Variants in RBFOX1 observed in about 807,000 individuals in gnomAD.
The protein encoded by RBFOX1 is RNA binding protein fox-1 homolog 1.
RBFOX1 carries 8 observed loss-of-function variants against 57.7 expected under a neutral mutation model. That is an observed-to-expected ratio of 0.14 (90% CI 0.08 to 0.25). RBFOX1 has a LOEUF of 0.25. Among genes scored for constraint, RBFOX1 ranks in the 10% least tolerant of loss-of-function variants. RBFOX1 has a pLI of 1.00. For missense variants in RBFOX1, 611 were observed against 548.5 expected (o/e 1.11, Z -1.14); for synonymous variants, 326 against 222.4 (o/e 1.47, Z -4.15).
chr16:5,494,866 G>A (rs1193205088), intron 2 of RBFOX1, among the ~76,000 whole-genome samples: 6 of 152,180 alleles, frequency 3.9e-5, no homozygotes, highest in African/African-American at 1.4e-4. Context: ...ATGATCCTCA[G>A]TGGACCCCTG....
intron 4 of RBFOX1, among the ~76,000 whole-genome samples, chr16:7,301,589 T>C (rs1362635773): frequency 6.6e-6 from 1 of 152,146 alleles, no homozygotes; most frequent in African/African-American, 2.4e-5. Flanking sequence ...ATTTATTGGG[T>C]CTTTACATAA....
At chr16:6,526,570 C>A (rs980299796) in intron 2 of RBFOX1, among the ~76,000 whole-genome samples, 19 of 152,084 alleles carry the variant, frequency 1.2e-4, no homozygotes, top group African/African-American at 4.1e-4. Flanking sequence ...GTGGCTCATG[C>A]CTGTAATCCC....
intron 1 of RBFOX1, among the ~76,000 whole-genome samples, chr16:5,277,947 C>T (rs911777940): frequency 6.6e-6 from 1 of 152,074 alleles, no homozygotes; most frequent in Non-Finnish European, 1.5e-5. Flanking sequence ...GTAAATAGTG[C>T]TGCAGTAAAT....
At chr16:6,979,704 T>A (rs1162339193) in intron 3 of RBFOX1, among the ~76,000 whole-genome samples, 1 of 152,206 alleles carries the variant, frequency 6.6e-6, no homozygotes, top group African/African-American at 2.4e-5. Context: ...GGCGTTATTA[T>A]GCTTATAAAT....
intron 4 of RBFOX1, among the ~76,000 whole-genome samples, chr16:7,340,730 C>G (rs997937292): frequency 1.3e-5 from 2 of 152,176 alleles, no homozygotes; most frequent in African/African-American, 4.8e-5. Context: ...ACGTAGACCT[C>G]CCATCATTCC....
chr16:6,862,920 G>C (rs1424202739), intron 3 of RBFOX1, among the ~76,000 whole-genome samples: 1 of 151,904 alleles, frequency 6.6e-6, no homozygotes, highest in Non-Finnish European at 1.5e-5. Flanking sequence ...AGGAGGCAGA[G>C]GTTGCAGTGA....
intron 2 of RBFOX1, among the ~76,000 whole-genome samples, chr16:6,487,162 G>C (rs1055157975): frequency 6.6e-6 from 1 of 151,780 alleles, no homozygotes; most frequent in Non-Finnish European, 1.5e-5. Context: ...GTGTGTGTGT[G>C]TGTGTGTGTG....
chr16:5,871,019 C>T (rs17641598), intron 4 of RBFOX1, among the ~76,000 whole-genome samples: 8 of 152,074 alleles, frequency 5.3e-5, no homozygotes, highest in Non-Finnish European at 7.4e-5. Flanking sequence ...TTTCTCTCTG[C>T]AGATTGACAG....
chr16:5,866,607 T>C (rs939604289), intron 3 of RBFOX1, among the ~76,000 whole-genome samples: 1 of 152,230 alleles, frequency 6.6e-6, no homozygotes, highest in African/African-American at 2.4e-5. Context: ...TCCTTTGATA[T>C]ACAGTAGGCT....
At chr16:5,790,104 C>A (rs1265165312) in intron 3 of RBFOX1, among the ~76,000 whole-genome samples, 1 of 152,228 alleles carries the variant, frequency 6.6e-6, no homozygotes, top group African/African-American at 2.4e-5. Context: ...GGCCTTCCTC[C>A]ATCTTCAGCA....
At chr16:7,220,589 G>C (rs1453394837) in intron 4 of RBFOX1, among the ~76,000 whole-genome samples, 1 of 152,108 alleles carries the variant, frequency 6.6e-6, no homozygotes, top group Admixed American at 6.5e-5. Context: ...ACTATTTTCT[G>C]TTGTGCAGGT....
chr16:7,052,773 G>T (rs2050555217), intron 4 of RBFOX1, among the ~76,000 whole-genome samples: 1 of 152,070 alleles, frequency 6.6e-6, no homozygotes, highest in Non-Finnish European at 1.5e-5. Flanking sequence ...CTTGGTATGG[G>T]GATGGCATTT....
chr16:5,281,790 C>T (rs994974844), intron 1 of RBFOX1, among the ~76,000 whole-genome samples: 7 of 151,958 alleles, frequency 4.6e-5, no homozygotes, highest in Admixed American at 2.6e-4. Flanking sequence ...TTTTTCAATC[C>T]CTTCACTTTC....
intron 4 of RBFOX1, among the ~76,000 whole-genome samples, chr16:7,268,446 G>A (rs143127784): frequency 2.0e-5 from 3 of 152,266 alleles, no homozygotes; most frequent in East Asian, 1.9e-4. Context: ...GAAGCAGGTC[G>A]TTCCTCTGCC....
intron 2 of RBFOX1, among the ~76,000 whole-genome samples, chr16:6,440,294 G>A (rs1422480278): frequency 1.3e-5 from 2 of 152,102 alleles, no homozygotes; most frequent in Non-Finnish European, 2.9e-5. Flanking sequence ...GCATGAAATA[G>A]GATATTGAAG....
At chr16:7,196,179 A>T (rs920599098) in intron 4 of RBFOX1, among the ~76,000 whole-genome samples, 1 of 152,190 alleles carries the variant, frequency 6.6e-6, no homozygotes, top group South Asian at 2.1e-4. Context: ...TTTGAAGTAT[A>T]AATAATCAGT....
At chr16:7,552,471 G>A (rs1286378951) in intron 5 of RBFOX1, among the ~76,000 whole-genome samples, 1 of 152,144 alleles carries the variant, frequency 6.6e-6, no homozygotes, top group South Asian at 2.1e-4. Flanking sequence ...TTGCAGAGTT[G>A]AGTCTAATGG....
At chr16:7,470,197 T>C (rs1270066883) in intron 4 of RBFOX1, among the ~76,000 whole-genome samples, 1 of 152,246 alleles carries the variant, frequency 6.6e-6, no homozygotes, top group African/African-American at 2.4e-5. Flanking sequence ...CCTTGGGTCA[T>C]CTCTATCATA....
chr16:6,821,893 C>T (rs1191945826), intron 3 of RBFOX1, among the ~76,000 whole-genome samples: 3 of 152,144 alleles, frequency 2.0e-5, no homozygotes, highest in Admixed American at 6.5e-5. Flanking sequence ...CATGAAATTG[C>T]TAGGTCATAT....
Sources: allele counts gnomAD v4.1 joint callset (sites outside exome capture counted in the v4.1 genomes callset), GRCh38; gene constraint gnomAD v4.1.1; transcripts MANE v1.5; gene names NCBI Gene and HGNC (gene_info 2026-07-23, HGNC 2026-07-21).